KIDINS220: variants seen among roughly 807,000 people sequenced by gnomAD.
KIDINS220 encodes kinase D interacting substrate 220.
A neutral mutation model predicts 157.6 loss-of-function variants in KIDINS220; 63 were observed. The observed-to-expected ratio is 0.40, with a 90% CI of 0.33 to 0.49. KIDINS220 has a LOEUF of 0.49. KIDINS220 is among the 20% of genes least tolerant of loss of function. The probability of loss-of-function intolerance (pLI) is 0.66; values close to 1 mark genes in which losing one functional copy is unlikely to be tolerated. For synonymous variants in KIDINS220, 732 were observed against 783.6 expected (o/e 0.93, Z 1.10); for missense variants, 1,772 against 2,171.2 (o/e 0.82, Z 3.65).
intron 22 of KIDINS220, among the ~76,000 whole-genome samples, chr2:8,760,851 A>G (rs1483536820): frequency 6.6e-6 from 1 of 152,168 alleles, no homozygotes; most frequent in Non-Finnish European, 1.5e-5. Context: ...GTACAAGTCT[A>G]AAAAATAGTG....
intron 17 of KIDINS220, among the ~76,000 whole-genome samples, chr2:8,781,458 A>C (rs1036957536): frequency 6.6e-6 from 1 of 152,072 alleles, no homozygotes; most frequent in Non-Finnish European, 1.5e-5. Flanking sequence ...AGAAAAAAAA[A>C]CAGAATACAC....
intron 21 of KIDINS220, among the ~76,000 whole-genome samples, chr2:8,771,577 T>C (rs960330966): frequency 5.3e-5 from 8 of 152,348 alleles, no homozygotes; most frequent in African/African-American, 1.9e-4. Flanking sequence ...TTTCAAACAT[T>C]GTCAATTTTA....
chr2:8,812,905 T>C (rs1191460698), intron 5 of KIDINS220, among the ~76,000 whole-genome samples: 1 of 152,198 alleles, frequency 6.6e-6, no homozygotes, highest in Admixed American at 6.5e-5. Flanking sequence ...TATGATTATT[T>C]TGTAAATGTT....
At chr2:8,753,842 A>C (rs1256146490) in intron 22 of KIDINS220, among the ~76,000 whole-genome samples, 1 of 152,224 alleles carries the variant, frequency 6.6e-6, no homozygotes. Flanking sequence ...CAAGAAGAGA[A>C]TAGGGTGCTG....
At chr2:8,747,342 A>G in intron 25 of KIDINS220, 141 bp from the exon 26 acceptor site, 1 of 695,748 alleles carries the variant, frequency 1.4e-6, no homozygotes, top group Non-Finnish European at 2.5e-6. Context: ...TTATAAAAAC[A>G]TATTAATAGA....
At chr2:8,803,959 G>A (rs1011099083) in intron 7 of KIDINS220, among the ~76,000 whole-genome samples, 2 of 152,182 alleles carry the variant, frequency 1.3e-5, no homozygotes, top group African/African-American at 4.8e-5. Context: ...TTTCCCTATA[G>A]AAATATTTTG....
Position 8,730,678 on chromosome 2 carries a change from T to A in KIDINS220, c.*42A>T. ...GGAGTCAAAATCCAGGACAATTCTG[T>A]CATAAAGGTACAGTAACACTCTTCT... On this transcript the variant is annotated 3_prime_UTR_variant, in exon 30 of 30. Coordinates refer to ENST00000256707, the MANE Select transcript of KIDINS220 (RefSeq NM_020738.4). 6.4e-7 allele frequency: 1 copy of A among 1,573,782 alleles called. No homozygotes were observed. Among genetic ancestry groups the A allele is most frequent in the South Asian group, 1.2e-5 (1 of 83,810 alleles).
intron 21 of KIDINS220, among the ~76,000 whole-genome samples, chr2:8,775,626 G>A (rs911323248): frequency 2.0e-5 from 3 of 152,182 alleles, no homozygotes; most frequent in Non-Finnish European, 2.9e-5. Flanking sequence ...TGAACTGAGA[G>A]CAAGAGATTA....
chr2:8,788,578 T>C (rs1672742161), intron 15 of KIDINS220, 69 bp downstream of exon 15: 6 of 1,506,188 alleles, frequency 4.0e-6, no homozygotes, highest in African/African-American at 1.4e-5. Flanking sequence ...TCCTATAAAC[T>C]TTCCGAAGTG....
intron 1 of KIDINS220, among the ~76,000 whole-genome samples, chr2:8,834,105 C>T (rs1441150811): frequency 6.6e-6 from 1 of 152,142 alleles, no homozygotes; most frequent in Non-Finnish European, 1.5e-5. Context: ...CAGCAACAAT[C>T]ACCCCTGTGC....
Position 8,731,779 on chromosome 2 carries a change from A to G in KIDINS220, c.4257T>C (p.Gly1419=). The change falls in exon 30 of 30, where the codon GGT becomes GGC. Residue 1419 remains glycine, a synonymous_variant. Coordinates refer to ENST00000256707, the MANE Select transcript of KIDINS220 (RefSeq NM_020738.4). The surrounding 1 kb of genome is among the most constrained non-coding windows in gnomAD (Gnocchi z 5.2). ...GAATAGAGCCCCCTGATGAACTCTG[A>G]CCCATGTAATATGTGCTATGTGGAG... ...RSSPHSTYYM[G]QSSSGGSIHS... 6.2e-7 allele frequency: 1 copy of G among 1,614,016 alleles called. No homozygotes were observed. The highest frequency in any genetic ancestry group is 8.5e-7 in the Non-Finnish European group (1 of 1,179,992).
chr2:8,770,810 C>CTGAT lies in KIDINS220; in HGVS notation c.2867_2870dup (p.Ile958SerfsTer3). ...CAAGCCTGTCCCAGTTGAAACTAAT[C>CTGAT]TGATTGGCTCTCAGTAATCGTCCTT... On this transcript the variant is annotated frameshift_variant, in exon 22 of 30. Coordinates refer to ENST00000256707, the MANE Select transcript of KIDINS220 (RefSeq NM_020738.4). LOFTEE classifies it high-confidence loss of function. 6.2e-7 allele frequency: 1 copy of CTGAT among 1,605,116 alleles called. No homozygotes were observed. Among genetic ancestry groups the CTGAT allele is most frequent in the Admixed American group, 1.7e-5 (1 of 58,566 alleles).
At position 8,750,255 on chromosome 2, in the gene KIDINS220, C is replaced by A. The variant is rs199962701; in HGVS notation, c.3271G>T (p.Ala1091Ser). The change falls in exon 24 of 30, where the codon GCG becomes TCG. Residue 1091 changes from alanine (A) to serine (S), a missense_variant. Ala to Ser is a moderately conservative substitution (Grantham distance 99). This residue lies in a region of KIDINS220 where 793 missense variants were observed against 885.5 expected (regional missense o/e 0.90). Transcript: ENST00000256707. Reference protein sequence around the residue: ...PLPLHEGPPRAPSGYSQPPSV... With the variant: ...PLPLHEGPPRSPSGYSQPPSV... ...GGGGGCTGGCTGTACCCTGATGGCG[C>A]CCTAGGAGGACCCTCATGTAGAGGG... 608 of 1,613,826 alleles carry A rather than the reference C, an allele frequency of 3.8e-4. No homozygotes were observed. The highest frequency in any genetic ancestry group is 4.9e-4 in the Non-Finnish European group (581 of 1,179,910).
chr2:8,779,402 T>C (rs556564416), intron 18 of KIDINS220, among the ~76,000 whole-genome samples: 1 of 152,222 alleles, frequency 6.6e-6, no homozygotes, highest in Non-Finnish European at 1.5e-5. Context: ...GGTAAATCAA[T>C]GCACATGAGA....
At position 8,730,471 on chromosome 2, in the gene KIDINS220, C is replaced by A; in HGVS notation, c.*249G>T. The A allele has an allele frequency of 7.6e-7, 1 of 1,308,788 alleles. No individual in the cohort carries two copies. The highest frequency in any genetic ancestry group is 1.5e-5 in the African/African-American group (1 of 66,886). The allele number at this position is 1,308,788 out of a possible 1,614,324, so 81.1% of individuals were successfully genotyped here. ...CAAAAAGTTTTATGGGGTAATGCGC[C>A]AATGAAAGGTACAGTAGTATTAGTG... On this transcript the variant is annotated 3_prime_UTR_variant, in exon 30 of 30. Coordinates refer to ENST00000256707, the MANE Select transcript of KIDINS220 (RefSeq NM_020738.4).
At chr2:8,834,998 A>G (rs1189265635) in intron 1 of KIDINS220, among the ~76,000 whole-genome samples, 1 of 151,974 alleles carries the variant, frequency 6.6e-6, no homozygotes, top group Non-Finnish European at 1.5e-5. Context: ...GCATGCCAAC[A>G]CACCCAGATC....
At chr2:8,811,880 C>T (rs1028175337) in intron 6 of KIDINS220, among the ~76,000 whole-genome samples, 1 of 151,910 alleles carries the variant, frequency 6.6e-6, no homozygotes, top group Non-Finnish European at 1.5e-5. Flanking sequence ...GAGGCGGGCA[C>T]ACTGTGAAGG....
intron 24 of KIDINS220, 92 bp downstream of exon 24, chr2:8,750,020 C>G (rs1202719005): frequency 9.6e-7 from 1 of 1,045,864 alleles, no homozygotes; most frequent in Non-Finnish European, 1.4e-6. Context: ...AGCCAAAGTA[C>G]AGCTTTAAAA....
chr2:8,731,728 C>T lies in KIDINS220; in HGVS notation c.4308G>A (p.Gly1436=), dbSNP rs1664128985. 1 of 1,614,150 alleles carries T rather than the reference C, an allele frequency of 6.2e-7. No homozygotes were observed. Reference sequence around the variant, plus strand: ...CATCGGGCTTTGGTTCACTATCCTTCCCCTTTTCTTGCTCTAGGTTTGAAT... The same window carrying T: ...CATCGGGCTTTGGTTCACTATCCTTTCCCTTTTCTTGCTCTAGGTTTGAAT... ...SIHSNLEQEK[G]KDSEPKPDDG... The change falls in exon 30 of 30, where the codon GGG becomes GGA. Residue 1436 remains glycine, a synonymous_variant. Transcript: ENST00000256707. The surrounding 1 kb of genome is among the most constrained non-coding windows in gnomAD (Gnocchi z 5.2).
Sources: allele counts gnomAD v4.1 joint callset (sites outside exome capture counted in the v4.1 genomes callset), GRCh38; gene constraint gnomAD v4.1.1; regional missense constraint gnomAD v4.1.1; non-coding constraint Gnocchi (gnomAD v3.1); transcripts MANE v1.5; gene names NCBI Gene and HGNC (gene_info 2026-07-23, HGNC 2026-07-21).